Variants in HDAC4 observed in about 807,000 individuals in gnomAD.
HDAC4 encodes histone deacetylase A.
In HDAC4, 16 loss-of-function variants were observed where a neutral mutation model predicts 135.1. That is an observed-to-expected ratio of 0.12 (90% CI 0.08 to 0.18). HDAC4 has a LOEUF of 0.18. Ranked by LOEUF, HDAC4 falls within the 10% of genes least tolerant of loss-of-function variation. HDAC4 has a pLI of 1.00. For missense variants in HDAC4, 1,143 were observed against 1,511.8 expected, an observed-to-expected ratio of 0.76 and a Z score of 4.05; for synonymous variants, 685 against 653.4, an observed-to-expected ratio of 1.05 and a Z score of -0.74.
At position 239,313,146 on chromosome 2, in the gene HDAC4, C is replaced by T. The variant is rs1575678391; in HGVS notation, c.22+39532G>A. Among the ~76,000 whole-genome samples the T allele has an allele frequency of 6.6e-6, 1 of 152,212 alleles. No individual in the cohort carries two copies. The highest frequency in any genetic ancestry group is 6.5e-5 in the Admixed American group (1 of 15,286). ...CGTTCCGAGGTGGCGGAGGAGGAAG[C>T]TGCAGCCCGTTATCCACCGCCCAGT... On this transcript the variant is annotated intron_variant, in intron 2 of 26. Transcript: ENST00000543185. The surrounding 1 kb of genome is among the most constrained non-coding windows in gnomAD (Gnocchi z 5.1).
intron 5 of HDAC4, among the ~76,000 whole-genome samples, chr2:239,166,341 G>C (rs374628805): frequency 4.3e-4 from 65 of 152,276 alleles, no homozygotes; most frequent in African/African-American, 1.5e-3. Context: ...TGATGCATGA[G>C]GCTTCAGGCT....
At chr2:239,395,898 AT>A (rs1246269576) in intron 1 of HDAC4, among the ~76,000 whole-genome samples, 1 of 152,258 alleles carries the variant, frequency 6.6e-6, no homozygotes, top group Non-Finnish European at 1.5e-5. Context: ...GGAGAATGGC[AT>A]TTAAGATTTT....
chr2:239,084,316 GC>G, intron 19 of HDAC4, 74 bp from the exon 20 acceptor site: 1 of 1,017,094 alleles, frequency 9.8e-7, no homozygotes. Context: ...CCGCCAGAGA[GC>G]CACTCGGGGT....
chr2:239,053,636 C>T (rs769500122), intron 25 of HDAC4, 35 bp from the exon 26 acceptor site: 2 of 1,606,216 alleles, frequency 1.2e-6, no homozygotes, highest in South Asian at 1.1e-5. Flanking sequence ...CGCTCAGTGA[C>T]TACAACTTAG....
At chr2:239,150,160 T>C (rs928171288) in intron 7 of HDAC4, among the ~76,000 whole-genome samples, 60 of 152,034 alleles carry the variant, frequency 3.9e-4, no homozygotes, top group Non-Finnish European at 7.4e-5. Flanking sequence ...GCAAAATGGG[T>C]ATTTTTGTTA....
chr2:239,336,149 T>C (rs903358967), intron 2 of HDAC4, among the ~76,000 whole-genome samples: 2 of 152,238 alleles, frequency 1.3e-5, no homozygotes, highest in African/African-American at 4.8e-5. Context: ...GTGATTTATA[T>C]GACGTTCAAA....
intron 5 of HDAC4, among the ~76,000 whole-genome samples, chr2:239,169,363 C>T (rs570072074): frequency 6.6e-6 from 1 of 152,234 alleles, no homozygotes; most frequent in East Asian, 1.9e-4. Context: ...CCCACGCACG[C>T]CTCCTGCACT....
chr2:239,068,521 G>A lies in HDAC4; in HGVS notation c.2837C>T (p.Thr946Ile). ...SGFDAVEGHP[T>I]PLGGYNLSAR... Reference sequence around the variant, plus strand: ...GGAGAGGTTGTAGCCCCCAAGAGGGGTGGGGTGGCCCTCCACGGCATCGAA... The same window carrying A: ...GGAGAGGTTGTAGCCCCCAAGAGGGATGGGGTGGCCCTCCACGGCATCGAA... The change falls in exon 23 of 27, where the codon ACC becomes ATC. Residue 946 changes from threonine to isoleucine, a missense_variant. By Grantham distance (89) the Thr-to-Ile change is moderately conservative. Around this residue, in one of 9 missense-constraint regions of HDAC4, gnomAD observed 189 missense variants for 317.6 expected, o/e 0.60. Coordinates refer to ENST00000543185, the MANE Select transcript of HDAC4 (RefSeq NM_001378414.1). This position sits in a 1 kb window ranked among gnomAD's most constrained non-coding sequence, Gnocchi z 4.4. 7 of 1,613,938 alleles carry A rather than the reference G, an allele frequency of 4.3e-6. No individual in the cohort carries two copies. Among genetic ancestry groups the A allele is most frequent in the Non-Finnish European group, 5.9e-6 (7 of 1,179,934 alleles).
chr2:239,240,723 C>T lies in HDAC4; in HGVS notation c.23-4059G>A, dbSNP rs1295805973. Among the ~76,000 whole-genome samples the T allele has an allele frequency of 6.6e-6, 1 of 152,214 alleles. No individual in the cohort carries two copies. Among genetic ancestry groups the T allele is most frequent in the African/African-American group, 2.4e-5 (1 of 41,454 alleles). ...CCGAGGAGCACGGGTACCTCGTGTC[C>T]TCACCAGCACATGATGTGCCCCAGT... is the stretch of plus-strand genomic sequence containing the variant. On this transcript the variant is annotated intron_variant, in intron 2 of 26. Coordinates refer to ENST00000543185, the MANE Select transcript of HDAC4 (RefSeq NM_001378414.1). This position sits in a 1 kb window ranked among gnomAD's most constrained non-coding sequence, Gnocchi z 4.5.
rs2030536486 is a variant in HDAC4 at position 239,049,740 on chromosome 2, GAACCA to G, written c.*3352_*3356del. ...AACACCTTGACAAAGTGGCCCTCCA[GAACCA>G]GAGCCCTGGGACGCTGGGGAGGGGC... On this transcript the variant is annotated 3_prime_UTR_variant, in exon 27 of 27. Coordinates refer to ENST00000543185, the MANE Select transcript of HDAC4 (RefSeq NM_001378414.1). 6.6e-6 allele frequency: 1 copy of G among 152,272 alleles called. No homozygotes were observed. The highest frequency in any genetic ancestry group is 1.5e-5 in the Non-Finnish European group (1 of 68,034). 9.4% of individuals were successfully genotyped at this position (152,272 alleles called of 1,614,324 possible).
rs1297904201 is a variant in HDAC4 at position 239,050,644 on chromosome 2, A to AATT, written c.*2450_*2452dup. 2.6e-5 allele frequency: 4 copies of AATT among 152,658 alleles called. No homozygotes were observed. Among genetic ancestry groups the AATT allele is most frequent in the African/African-American group, 9.6e-5 (4 of 41,458 alleles). The allele number at this position is 152,658 out of a possible 1,614,324, so 9.5% of individuals were successfully genotyped here. On this transcript the variant is annotated 3_prime_UTR_variant, in exon 27 of 27. Coordinates refer to ENST00000543185, the MANE Select transcript of HDAC4 (RefSeq NM_001378414.1). ...ACTCATTTGGTCAAAAGTTTGAGTT[A>AATT]ATTTCAGAAGCTACCCTGTAAACTT... is the stretch of plus-strand genomic sequence containing the variant.
intron 12 of HDAC4, among the ~76,000 whole-genome samples, chr2:239,119,573 G>A (rs1458667114): frequency 6.6e-6 from 1 of 151,034 alleles, no homozygotes; most frequent in Non-Finnish European, 1.5e-5. Context: ...GCGGGAACTG[G>A]AGCTAAGGGG....
intron 2 of HDAC4, among the ~76,000 whole-genome samples, chr2:239,350,771 G>T (rs973016928): frequency 6.6e-6 from 1 of 152,212 alleles, no homozygotes; most frequent in South Asian, 2.1e-4. Flanking sequence ...CGAAGTGCTG[G>T]GATTACAGCT....
At chr2:239,055,369 T>A (rs2031651735) in intron 24 of HDAC4, 2 of 183,274 alleles carry the variant, frequency 1.1e-5, no homozygotes, top group South Asian at 2.0e-4. Context: ...AGGGAAGAAG[T>A]TTACAAGTCA....
chr2:239,310,005 G>C (rs948705212), intron 2 of HDAC4, among the ~76,000 whole-genome samples: 1 of 152,156 alleles, frequency 6.6e-6, no homozygotes, highest in Non-Finnish European at 1.5e-5. Flanking sequence ...TGTCCTCTTC[G>C]GTCCAGAAAA....
At chr2:239,364,038 G>A (rs995700167) in intron 1 of HDAC4, among the ~76,000 whole-genome samples, 1 of 152,134 alleles carries the variant, frequency 6.6e-6, no homozygotes, top group African/African-American at 2.4e-5. Flanking sequence ...CACCAAAATG[G>A]CTAAAATCTA....
At chr2:239,321,074 G>A (rs2053291474) in intron 2 of HDAC4, among the ~76,000 whole-genome samples, 1 of 151,698 alleles carries the variant, frequency 6.6e-6, no homozygotes, top group South Asian at 2.1e-4. Context: ...ATTCTATTCA[G>A]GGTTTTAAAC....
intron 1 of HDAC4, among the ~76,000 whole-genome samples, chr2:239,377,424 C>G (rs949932391): frequency 2.8e-4 from 43 of 152,208 alleles, no homozygotes; most frequent in Admixed American, 2.8e-3. Flanking sequence ...GCACCTGTCA[C>G]GAGGGCTGCC....
chr2:239,283,203 G>A (rs1022593207), intron 2 of HDAC4, among the ~76,000 whole-genome samples: 8 of 152,254 alleles, frequency 5.3e-5, no homozygotes, highest in Admixed American at 3.3e-4. Flanking sequence ...GGCCTGGCCC[G>A]CAGAGGACTA....
Sources: gnomAD v4.1 joint callset for allele counts (sites outside exome capture counted in the v4.1 genomes callset) on GRCh38, gnomAD v4.1.1 for gene constraint, gnomAD v4.1.1 regional missense constraint, Gnocchi (gnomAD v3.1) non-coding constraint, MANE v1.5 for transcripts, NCBI Gene and HGNC (gene_info 2026-07-23, HGNC 2026-07-21) for gene names.